Variants in ARHGAP24 observed in about 807,000 individuals in gnomAD.
The protein encoded by ARHGAP24 is rho GTPase-activating protein 24.
A neutral mutation model predicts 76.4 loss-of-function variants in ARHGAP24; 50 were observed. The ratio of observed to expected loss-of-function variants is 0.65; its 90% CI spans 0.52 to 0.83. ARHGAP24 has a LOEUF of 0.83. Ranked by LOEUF, ARHGAP24 falls within the 40% of genes least tolerant of loss-of-function variation. The pLI, the probability that ARHGAP24 is intolerant of heterozygous loss-of-function variation, is 0.00. For missense variants in ARHGAP24, 930 were observed against 914.2 expected (o/e 1.02, Z -0.22); for synonymous variants, 345 against 323.3 (o/e 1.07, Z -0.72).
intron 3 of ARHGAP24, among the ~76,000 whole-genome samples, chr4:85,791,539 T>C (rs1384128625): frequency 2.6e-5 from 4 of 152,166 alleles, no homozygotes; most frequent in African/African-American, 9.7e-5. Context: ...TTAAAGTTAG[T>C]CATGGCCAGA....
intron 3 of ARHGAP24, among the ~76,000 whole-genome samples, chr4:85,861,010 A>G (rs1186627919): frequency 6.6e-6 from 1 of 151,340 alleles, no homozygotes; most frequent in Non-Finnish European, 1.5e-5. Flanking sequence ...GCACACACAC[A>G]CACACACACA....
chr4:85,835,844 C>G (rs1303632133), intron 3 of ARHGAP24, among the ~76,000 whole-genome samples: 2 of 151,912 alleles, frequency 1.3e-5, no homozygotes, highest in Non-Finnish European at 2.9e-5. Flanking sequence ...TGCCACCATG[C>G]CCGGCTAATT....
At chr4:85,837,244 C>T (rs1296828760) in intron 3 of ARHGAP24, among the ~76,000 whole-genome samples, 1 of 152,154 alleles carries the variant, frequency 6.6e-6, no homozygotes. Flanking sequence ...TGTTTCTTTT[C>T]TGCCAACCTG....
At chr4:85,641,183 A>G (rs1190851127) in intron 2 of ARHGAP24, among the ~76,000 whole-genome samples, 1 of 152,090 alleles carries the variant, frequency 6.6e-6, no homozygotes, top group Non-Finnish European at 1.5e-5. Flanking sequence ...TGTGGCCTCA[A>G]ACTCCTGGTA....
chr4:85,613,178 G>A (rs1435338476), intron 2 of ARHGAP24, among the ~76,000 whole-genome samples: 1 of 151,966 alleles, frequency 6.6e-6, no homozygotes, highest in Admixed American at 6.6e-5. Flanking sequence ...TTGCATATAT[G>A]TATATCCATA....
chr4:85,554,596 A>G lies in ARHGAP24; in HGVS notation c.-20-15926A>G, dbSNP rs188471319. ...TTCTGCTGTTAATGCTTGTGATTGC[A>G]TTATGAAATTATTGTAGTGTGTTTT... On this transcript the variant is annotated intron_variant, in intron 1 of 9. Transcript: ENST00000395184. Among the ~76,000 whole-genome samples, 23 of 152,138 alleles carry G rather than the reference A, an allele frequency of 1.5e-4. No homozygotes were observed. The East Asian group carries it at 4.2e-3, about 28-fold the overall frequency.
In ARHGAP24 at chr4:85,837,111, A is replaced by C. The variant is rs147602489; in HGVS notation, c.269-86537A>C. On this transcript the variant is annotated intron_variant, in intron 3 of 9. Transcript: ENST00000395184. ...AATATTTATCTCTGAAAGTTTTAGG[A>C]GTTAAGTGTTGATGACTATTTATTC... Among the ~76,000 whole-genome samples, 778 of 152,320 alleles carry C rather than the reference A, an allele frequency of 5.1e-3. 7 individuals are homozygous for C. Among genetic ancestry groups the C allele is most frequent in the African/African-American group, 0.018 (737 of 41,576 alleles).
At chr4:85,494,887 A>T (rs1723498557) in intron 1 of ARHGAP24, among the ~76,000 whole-genome samples, 1 of 151,908 alleles carries the variant, frequency 6.6e-6, no homozygotes, top group Non-Finnish European at 1.5e-5. Context: ...TCATGAGGTC[A>T]GGAGTTCGAG....
At chr4:85,792,518 A>C (rs1417109461) in intron 3 of ARHGAP24, among the ~76,000 whole-genome samples, 2 of 152,116 alleles carry the variant, frequency 1.3e-5, no homozygotes, top group Non-Finnish European at 2.9e-5. Flanking sequence ...TAGCTCTTAA[A>C]ATTTTTTTCA....
At chr4:85,583,857 G>A (rs1042477338) in intron 2 of ARHGAP24, among the ~76,000 whole-genome samples, 2 of 140,984 alleles carry the variant, frequency 1.4e-5, no homozygotes, top group Admixed American at 7.6e-5. Context: ...ACCATCACTG[G>A]CCATCAGAGA....
chr4:85,856,149 G>A (rs1197761584), intron 3 of ARHGAP24, among the ~76,000 whole-genome samples: 1 of 151,800 alleles, frequency 6.6e-6, no homozygotes, highest in Non-Finnish European at 1.5e-5. Flanking sequence ...TTAATTTTAG[G>A]TGTTCTAATG....
rs116160368 is a variant in ARHGAP24 at position 85,974,941 on chromosome 4, C to T, written c.786C>T (p.Asn262=). The part of the protein sequence containing the change: ...QVKSLPVVNY[N]LLKYICRFLD... ...AGAGTTTGCCAGTGGTAAATTACAA[C>T]CTCCTCAAGTATATTTGCAGGTAAG... The change falls in exon 7 of 10, where the codon AAC becomes AAT. Residue 262 remains asparagine (N), a synonymous_variant. Coordinates refer to ENST00000395184, the MANE Select transcript of ARHGAP24 (RefSeq NM_001025616.3). 1.2e-6 allele frequency: 2 copies of T among 1,613,760 alleles called. No homozygotes were observed. The highest frequency in any genetic ancestry group is 1.7e-6 in the Non-Finnish European group (2 of 1,179,824).
intron 1 of ARHGAP24, among the ~76,000 whole-genome samples, chr4:85,546,138 T>C (rs1322354137): frequency 6.6e-6 from 1 of 152,162 alleles, no homozygotes; most frequent in Non-Finnish European, 1.5e-5. Context: ...AATGAGTTTA[T>C]ACACATGCAT....
At position 85,847,104 on chromosome 4, in the gene ARHGAP24, C is replaced by T. The variant is rs190337788; in HGVS notation, c.269-76544C>T. On this transcript the variant is annotated intron_variant, in intron 3 of 9. Transcript: ENST00000395184. Reference sequence around the variant, plus strand: ...CTCCTAAACCTTTCTGGAATACATGCACAAATTCAAATCAGTAAATTTTTA... The same window carrying T: ...CTCCTAAACCTTTCTGGAATACATGTACAAATTCAAATCAGTAAATTTTTA... Among the ~76,000 whole-genome samples the T allele has an allele frequency of 2.0e-5, 3 of 152,252 alleles. No homozygotes were observed. The East Asian group carries it at 5.8e-4, about 29-fold the overall frequency.
chr4:85,720,254 A>T (rs1454493667), intron 2 of ARHGAP24, among the ~76,000 whole-genome samples: 3 of 77,930 alleles, frequency 3.8e-5, no homozygotes, highest in Admixed American at 1.2e-4. Context: ...CCTAGAACTT[A>T]AAGTATAATA....
intron 5 of ARHGAP24, among the ~76,000 whole-genome samples, chr4:85,968,001 A>G (rs1220717574): frequency 1.3e-5 from 2 of 152,178 alleles, no homozygotes; most frequent in African/African-American, 2.4e-5. Flanking sequence ...CATGCATCTC[A>G]TACATGGTTT....
intron 3 of ARHGAP24, among the ~76,000 whole-genome samples, chr4:85,841,422 G>C (rs924896143): frequency 7.2e-5 from 11 of 152,080 alleles, no homozygotes; most frequent in African/African-American, 2.4e-4. Flanking sequence ...TCATCTAATC[G>C]CTTCAATTTC....
chr4:85,814,318 A>C (rs1729144069), intron 3 of ARHGAP24, among the ~76,000 whole-genome samples: 1 of 152,196 alleles, frequency 6.6e-6, no homozygotes, highest in Admixed American at 6.5e-5. Context: ...TTTCAGCATT[A>C]ACTCAAAAGT....
intron 3 of ARHGAP24, chr4:85,723,766 T>G (rs578060072): frequency 6.6e-6 from 1 of 152,290 alleles, no homozygotes; most frequent in African/African-American, 2.4e-5. Flanking sequence ...AGCACTACAT[T>G]GAGAATCCAG....
Sources: allele counts gnomAD v4.1 joint callset (sites outside exome capture counted in the v4.1 genomes callset), GRCh38; gene constraint gnomAD v4.1.1; transcripts MANE v1.5; gene names NCBI Gene and HGNC (gene_info 2026-07-23, HGNC 2026-07-21).